PCDH11X: variants seen among roughly 807,000 people sequenced by gnomAD.
PCDH11X encodes protocadherin 11 X-linked.
A neutral mutation model predicts 53.3 loss-of-function variants in PCDH11X; 18 were observed. The ratio of observed to expected loss-of-function variants is 0.34; its 90% CI spans 0.23 to 0.50. PCDH11X has a LOEUF of 0.50. Among genes scored for constraint, PCDH11X ranks in the 20% least tolerant of loss-of-function variants. PCDH11X has a pLI of 0.98. For missense variants in PCDH11X, 570 were observed against 1,032.4 expected, an observed-to-expected ratio of 0.55 and a Z score of 6.14; for synonymous variants, 279 against 393.3, an observed-to-expected ratio of 0.71 and a Z score of 3.44.
At position 92,118,731 on chromosome X, in the gene PCDH11X, C is replaced by CTTTTT. The variant is rs199880924; in HGVS notation, c.3034-82620_3034-82616dup. On this transcript the variant is annotated intron_variant, in intron 6 of 10. Transcript: ENST00000682573. Reference sequence around the variant, plus strand: ...ATTATTGGTTTGGTTATAATGCAGTCTTTTTTTTTTTTTTTTTTTTTTTTT... The same window carrying CTTTTT: ...ATTATTGGTTTGGTTATAATGCAGTCTTTTTTTTTTTTTTTTTTTTTTTTTTTTTT... Among the ~76,000 whole-genome samples the CTTTTT allele has an allele frequency of 4.6e-4, 21 of 45,631 alleles. 3 individuals are homozygous for CTTTTT. Among genetic ancestry groups the CTTTTT allele is most frequent in the African/African-American group, 8.7e-4 (9 of 10,333 alleles). The allele number at this position is 45,631 out of a possible 115,157, so 39.6% of individuals were successfully genotyped here. A position where few individuals can be genotyped will look rare whatever the true frequency, so the allele number is the denominator to read the frequency against.
intron 6 of PCDH11X, among the ~76,000 whole-genome samples, chrX:92,009,726 C>T (rs1446832501): frequency 1.4e-5 from 1 of 70,705 alleles, no homozygotes; most frequent in South Asian, 1.0e-3. Context: ...TTTTTTGAGA[C>T]GGAGTCATCT....
At chrX:92,216,253 C>T (rs1008768088) in intron 7 of PCDH11X, among the ~76,000 whole-genome samples, 4 of 110,596 alleles carry the variant, frequency 3.6e-5, no homozygotes, top group African/African-American at 9.9e-5. Flanking sequence ...CAAACTACTC[C>T]GAGCTACAGG....
Position 91,854,702 on chromosome X carries a change from T to C in PCDH11X, c.540+18658T>C, listed in dbSNP as rs552180358. Among the ~76,000 whole-genome samples, 378 of 112,332 alleles carry C rather than the reference T, an allele frequency of 3.4e-3. 3 individuals are homozygous for C. The highest frequency in any genetic ancestry group is 0.012 in the African/African-American group (364 of 31,017). On this transcript the variant is annotated intron_variant, in intron 5 of 10. Coordinates refer to ENST00000682573, the MANE Select transcript of PCDH11X (RefSeq NM_032968.5). ...TTTAGATAAAAGCCAGGGGGTGAGA[T>C]AATATCTTATTGTAGTTTTGATTTG...
chrX:92,175,050 G>A (rs757310556), intron 6 of PCDH11X, among the ~76,000 whole-genome samples: 6 of 110,112 alleles, frequency 5.4e-5, no homozygotes, highest in South Asian at 7.7e-4. Flanking sequence ...ATCTTGGCTC[G>A]CCACAACCTC....
At chrX:92,144,423 C>T (rs1370463093) in intron 6 of PCDH11X, among the ~76,000 whole-genome samples, 2 of 110,356 alleles carry the variant, frequency 1.8e-5, no homozygotes, top group Admixed American at 1.9e-4. Context: ...CAGTCTTTCC[C>T]GTGCTATTCT....
intron 6 of PCDH11X, among the ~76,000 whole-genome samples, chrX:92,160,147 GT>G (rs1213322118): frequency 1.0e-5 from 1 of 96,343 alleles, no homozygotes; most frequent in Non-Finnish European, 1.9e-5. Context: ...CTGGCCAGCT[GT>G]TTTTTTTCTT....
chrX:91,961,542 T>C (rs1243638576), intron 6 of PCDH11X, among the ~76,000 whole-genome samples: 5 of 109,009 alleles, frequency 4.6e-5, no homozygotes, highest in African/African-American at 1.0e-4. Flanking sequence ...TAATCTTATA[T>C]ACACAACACT....
At position 92,324,216 on chromosome X, in the gene PCDH11X, C is replaced by A. The variant is rs754097428; in HGVS notation, c.3144+61073C>A. On this transcript the variant is annotated intron_variant, in intron 8 of 10. Transcript: ENST00000682573. Reference sequence around the variant, plus strand: ...AGTTAGGATTTTGACAAGTTATGCTCAAGTAATTGATGTTTGCCCTACCCT... The same window carrying A: ...AGTTAGGATTTTGACAAGTTATGCTAAAGTAATTGATGTTTGCCCTACCCT... Among the ~76,000 whole-genome samples the A allele has an allele frequency of 3.7e-5, 4 of 109,029 alleles. No individual in the cohort carries two copies. The East Asian group carries it at 1.2e-3, about 32-fold the overall frequency. The allele number at this position is 109,029 out of a possible 115,157, so 94.7% of individuals were successfully genotyped here.
At chrX:92,478,897 T>C (rs2073445878) in intron 10 of PCDH11X, among the ~76,000 whole-genome samples, 1 of 111,164 alleles carries the variant, frequency 9.0e-6, no homozygotes, top group Admixed American at 9.6e-5. Context: ...GTACATTTGG[T>C]CCAGTGCGGA....
intron 6 of PCDH11X, among the ~76,000 whole-genome samples, chrX:92,142,979 G>A (rs1302236092): frequency 4.5e-5 from 5 of 110,447 alleles, no homozygotes; most frequent in Non-Finnish European, 9.5e-5. Flanking sequence ...CATTTAAAAT[G>A]TTTACAATGT....
intron 1 of PCDH11X, among the ~76,000 whole-genome samples, chrX:91,797,752 T>C (rs1258042304): frequency 9.2e-6 from 1 of 108,130 alleles, no homozygotes; most frequent in Non-Finnish European, 1.9e-5. Flanking sequence ...TATTTCTACT[T>C]AAGACAATTA....
At chrX:92,010,350 A>G (rs1358363630) in intron 6 of PCDH11X, among the ~76,000 whole-genome samples, 2 of 110,036 alleles carry the variant, frequency 1.8e-5, no homozygotes, top group Non-Finnish European at 3.8e-5. Context: ...AGTGAAGCCA[A>G]TTACAGAAAT....
intron 8 of PCDH11X, among the ~76,000 whole-genome samples, chrX:92,381,319 A>T (rs1393469425): frequency 9.0e-6 from 1 of 111,320 alleles, no homozygotes; most frequent in East Asian, 2.8e-4. Flanking sequence ...ATTACAAAGC[A>T]GCAATTGTTT....
At chrX:91,944,232 G>A in intron 6 of PCDH11X, among the ~76,000 whole-genome samples, 1 of 94,790 alleles carries the variant, frequency 1.1e-5, no homozygotes, top group Middle Eastern at 5.5e-3. Context: ...TAATTTGGAA[G>A]AGTCCCCAAA....
At chrX:92,183,980 ATT>A (rs5902996) in intron 6 of PCDH11X, among the ~76,000 whole-genome samples, 43,994 of 107,391 alleles carry the variant, frequency 0.41, 6,593 homozygotes, top group Admixed American at 0.6. Context: ...ATAATAGACT[ATT>A]TTTTTTTTTT....
chrX:91,987,565 A>T (rs1379881037), intron 6 of PCDH11X, among the ~76,000 whole-genome samples: 1 of 111,490 alleles, frequency 9.0e-6, no homozygotes, highest in Non-Finnish European at 1.9e-5. Flanking sequence ...GTTTATATTT[A>T]ATTTATATTA....
intron 9 of PCDH11X, among the ~76,000 whole-genome samples, chrX:92,429,235 A>G (rs184368237): frequency 1.5e-3 from 170 of 110,706 alleles, no homozygotes; most frequent in African/African-American, 5.5e-3. Context: ...TTGAAAATAA[A>G]CTCCTGAGAA....
intron 8 of PCDH11X, among the ~76,000 whole-genome samples, chrX:92,331,928 A>G (rs1603275543): frequency 8.9e-6 from 1 of 111,749 alleles, no homozygotes; most frequent in African/African-American, 3.2e-5. Flanking sequence ...ATTGTGGTCA[A>G]TAACCCTATT....
intron 8 of PCDH11X, among the ~76,000 whole-genome samples, chrX:92,363,553 T>G (rs2070394472): frequency 9.7e-6 from 1 of 102,667 alleles, no homozygotes; most frequent in Non-Finnish European, 2.0e-5. Flanking sequence ...TTTTTTTTTT[T>G]GAATAATCTT....
Sources: allele counts gnomAD v4.1 joint callset (sites outside exome capture counted in the v4.1 genomes callset), GRCh38; gene constraint gnomAD v4.1.1; transcripts MANE v1.5; gene names NCBI Gene and HGNC (gene_info 2026-07-23, HGNC 2026-07-21).